PTPN4: variants seen among roughly 807,000 people sequenced by gnomAD.
PTPN4 encodes tyrosine-protein phosphatase non-receptor type 4.
PTPN4 carries 49 observed loss-of-function variants against 135.5 expected under a neutral mutation model. The observed-to-expected ratio is 0.36, with a 90% confidence interval of 0.29 to 0.46. The LOEUF is 0.46. Among genes scored for constraint, PTPN4 ranks in the 20% least tolerant of loss-of-function variants. The pLI is 1.00. For synonymous variants in PTPN4, 333 were observed against 369.9 expected, an observed-to-expected ratio of 0.90 and a Z score of 1.14; for missense variants, 860 against 1,101.0, an observed-to-expected ratio of 0.78 and a Z score of 3.10.
intron 2 of PTPN4, among the ~76,000 whole-genome samples, chr2:119,815,476 T>C (rs1365186749): frequency 6.6e-6 from 1 of 152,220 alleles, no homozygotes; most frequent in African/African-American, 2.4e-5. Flanking sequence ...AATTGTTTGA[T>C]GTGCATATAT....
At chr2:119,966,786 G>C (rs1194939393) in intron 25 of PTPN4, among the ~76,000 whole-genome samples, 3 of 152,144 alleles carry the variant, frequency 2.0e-5, no homozygotes, top group Admixed American at 2.0e-4. Flanking sequence ...TAAACAGCAG[G>C]CTACTCTTTC....
In PTPN4 at chr2:119,967,846, C is replaced by T. The variant is rs775198246; in HGVS notation, c.2568C>T (p.Ile856=). The T allele has an allele frequency of 1.2e-5, 19 of 1,599,496 alleles. No homozygotes were observed. In the South Asian group the frequency reaches 1.5e-4, roughly 12 times the overall value. Residue 856 remains isoleucine (I), a synonymous_variant, in exon 26 of 27, where the codon ATC becomes ATT. Transcript: ENST00000263708. Reference sequence around the variant, plus strand: ...TATTTGTCTTTTTTAGTGCTGGAATCGGAAGAACTGGGGTTCTTATTACTA... The same window carrying T: ...TATTTGTCTTTTTTAGTGCTGGAATTGGAAGAACTGGGGTTCTTATTACTA... ...EPVVVHCSAG[I]GRTGVLITME... is the part of the protein sequence containing the mutation.
chr2:119,844,422 G>T (rs1677445013), intron 2 of PTPN4, among the ~76,000 whole-genome samples: 1 of 149,570 alleles, frequency 6.7e-6, no homozygotes, highest in South Asian at 2.1e-4. Context: ...CAGATGGGGT[G>T]GCTGCTGGGC....
intron 12 of PTPN4, among the ~76,000 whole-genome samples, chr2:119,921,477 C>T (rs1283815583): frequency 6.6e-6 from 1 of 152,102 alleles, no homozygotes; most frequent in African/African-American, 2.4e-5. Context: ...GGATATGTCA[C>T]TTGAAATACA....
chr2:119,975,761 G>A (rs140017381), intron 26 of PTPN4, among the ~76,000 whole-genome samples: 1 of 151,820 alleles, frequency 6.6e-6, no homozygotes, highest in Non-Finnish European at 1.5e-5. Context: ...TCCTCTATAT[G>A]GTTGTCATCA....
At chr2:119,935,700 TAATA>T (rs1414699089) in intron 15 of PTPN4, among the ~76,000 whole-genome samples, 3 of 152,334 alleles carry the variant, frequency 2.0e-5, no homozygotes, top group African/African-American at 7.2e-5. Flanking sequence ...ATGGGAGATT[TAATA>T]TTTTATTACT....
At chr2:119,905,687 ACT>A (rs1325657767) in intron 10 of PTPN4, among the ~76,000 whole-genome samples, 2 of 152,194 alleles carry the variant, frequency 1.3e-5, no homozygotes, top group Non-Finnish European at 2.9e-5. Context: ...CACGTGAAAC[ACT>A]CTTCAGAAAA....
intron 15 of PTPN4, among the ~76,000 whole-genome samples, chr2:119,939,681 C>G (rs1329724089): frequency 1.3e-5 from 2 of 152,122 alleles, no homozygotes; most frequent in Non-Finnish European, 2.9e-5. Context: ...TAATGAATCT[C>G]CGCAGCTTTG....
intron 9 of PTPN4, among the ~76,000 whole-genome samples, chr2:119,890,272 C>CTTTT (rs60831914): frequency 0.055 from 8,043 of 147,566 alleles, 668 homozygotes; most frequent in African/African-American, 0.18. Context: ...CCTTCTTTGT[C>CTTTT]TTTTTTTTTT....
At chr2:119,829,511 C>T (rs569165503) in intron 2 of PTPN4, among the ~76,000 whole-genome samples, 1 of 152,256 alleles carries the variant, frequency 6.6e-6, no homozygotes, top group South Asian at 2.1e-4. Context: ...CTGTTAACCT[C>T]GAATCTTTGT....
At chr2:119,760,669 T>C (rs1690469368) in intron 1 of PTPN4, among the ~76,000 whole-genome samples, 1 of 151,028 alleles carries the variant, frequency 6.6e-6, no homozygotes, top group African/African-American at 2.4e-5. Flanking sequence ...AGATGGAATG[T>C]TCCCAGTACC....
At position 119,982,169 on chromosome 2, in the gene PTPN4, A is replaced by G. The variant is rs1399665251; in HGVS notation, c.*5099A>G. On this transcript the variant is annotated 3_prime_UTR_variant, in exon 27 of 27. Coordinates refer to ENST00000263708, the MANE Select transcript of PTPN4 (RefSeq NM_002830.4). ...ATGAAAATGTTTGAAAGCCTTGTTAAGCTCATAAAAGTTTCATTTAAACAC... is the reference window on the plus strand; with the variant it reads ...ATGAAAATGTTTGAAAGCCTTGTTAGGCTCATAAAAGTTTCATTTAAACAC... The G allele has an allele frequency of 6.6e-6, 1 of 152,226 alleles. No homozygotes were observed. The highest frequency in any genetic ancestry group is 1.5e-5 in the Non-Finnish European group (1 of 68,030). The allele number at this position is 152,226 out of a possible 1,614,324, so 9.4% of individuals were successfully genotyped here.
At chr2:119,961,791 C>A (rs1326826629) in intron 23 of PTPN4, among the ~76,000 whole-genome samples, 2 of 152,188 alleles carry the variant, frequency 1.3e-5, no homozygotes, top group Non-Finnish European at 2.9e-5. Flanking sequence ...AAAAAGACCA[C>A]ATAGTGTATG....
intron 2 of PTPN4, among the ~76,000 whole-genome samples, chr2:119,844,189 G>T: frequency 8.2e-6 from 1 of 121,452 alleles, no homozygotes; most frequent in South Asian, 3.0e-4. Flanking sequence ...GGGGCGGCTG[G>T]CCGGGCAGAG....
chr2:119,794,335 G>A (rs1163853933), intron 1 of PTPN4, among the ~76,000 whole-genome samples: 1 of 152,096 alleles, frequency 6.6e-6, no homozygotes, highest in African/African-American at 2.4e-5. Context: ...CCATCCACTT[G>A]GCATGGCAGG....
At chr2:119,818,146 C>G (rs1203048133) in intron 2 of PTPN4, among the ~76,000 whole-genome samples, 2 of 152,166 alleles carry the variant, frequency 1.3e-5, no homozygotes, top group East Asian at 3.9e-4. Flanking sequence ...ATTTGGATAC[C>G]ATTTTTTTCT....
intron 14 of PTPN4, among the ~76,000 whole-genome samples, chr2:119,933,402 G>T (rs1350540371): frequency 1.3e-5 from 2 of 151,964 alleles, no homozygotes; most frequent in African/African-American, 2.4e-5. Context: ...AACGTGGCTG[G>T]GTGCAGTGGC....
At chr2:119,952,343 T>C (rs1445379733) in intron 19 of PTPN4, among the ~76,000 whole-genome samples, 1 of 152,050 alleles carries the variant, frequency 6.6e-6, no homozygotes, top group East Asian at 1.9e-4. Context: ...TATTCTACAC[T>C]AGCTTTCTTG....
intron 1 of PTPN4, among the ~76,000 whole-genome samples, chr2:119,807,517 T>C (rs1445636125): frequency 2.0e-5 from 3 of 152,136 alleles, no homozygotes; most frequent in African/African-American, 7.2e-5. Context: ...CTCCCAAGAC[T>C]AAACCAGGAA....
Sources: gnomAD v4.1 joint callset for allele counts (sites outside exome capture counted in the v4.1 genomes callset) on GRCh38, gnomAD v4.1.1 for gene constraint, MANE v1.5 for transcripts, NCBI Gene and HGNC (gene_info 2026-07-23, HGNC 2026-07-21) for gene names.